Variants in SEMA4B observed in about 807,000 individuals in gnomAD.
SEMA4B encodes the protein semaphorin 4B, also known as semaphorin-4B.
Under a neutral mutation model 88.1 loss-of-function variants are expected in SEMA4B, and 55 were observed. The ratio of observed to expected loss-of-function variants is 0.62; its 90% CI spans 0.50 to 0.78. The LOEUF is 0.78. Ranked by LOEUF, SEMA4B falls within the 30% of genes least tolerant of loss-of-function variation. SEMA4B has a pLI of 0.00. For synonymous variants in SEMA4B, 525 were observed against 473.6 expected (o/e 1.11, Z -1.41); for missense variants, 1,062 against 1,111.9 (o/e 0.96, Z 0.64).
chr15:90,215,307 A>C (rs1356883702), intron 1 of SEMA4B, among the ~76,000 whole-genome samples: 1 of 152,088 alleles, frequency 6.6e-6, no homozygotes, highest in Non-Finnish European at 1.5e-5. Context: ...AACAAGTAAA[A>C]AAGAAAAGAA....
At chr15:90,209,744 G>A (rs762439879) in intron 1 of SEMA4B, among the ~76,000 whole-genome samples, 6 of 152,206 alleles carry the variant, frequency 3.9e-5, no homozygotes, top group Non-Finnish European at 5.9e-5. Context: ...TGGAGGAGGT[G>A]GAACTGAGCC....
intron 1 of SEMA4B, among the ~76,000 whole-genome samples, chr15:90,188,606 C>T (rs1293396378): frequency 1.3e-5 from 2 of 151,880 alleles, no homozygotes; most frequent in Non-Finnish European, 1.5e-5. Context: ...CCAGCCTGGA[C>T]GACAGAACAA....
intron 1 of SEMA4B, 48 bp downstream of exon 1, chr15:90,201,783 CG>C: frequency 7.3e-7 from 1 of 1,372,628 alleles, no homozygotes; most frequent in South Asian, 1.6e-5. Context: ...GGAAGGCTGC[CG>C]GGGACGTGCC....
At chr15:90,185,549 T>A (rs1596109740) in intron 1 of SEMA4B, among the ~76,000 whole-genome samples, 1 of 152,300 alleles carries the variant, frequency 6.6e-6, no homozygotes, top group African/African-American at 2.4e-5. Context: ...GGCATGAAGC[T>A]GCAGTTGCGG....
At position 90,217,590 on chromosome 15, in the gene SEMA4B, G is replaced by C; in HGVS notation, c.309G>C (p.Gly103=). 6.2e-7 allele frequency: 1 copy of C among 1,613,748 alleles called. No homozygotes were observed. Residue 103 remains glycine, a synonymous_variant, in exon 2 of 14, where the codon GGG becomes GGC. Coordinates refer to ENST00000411539, the MANE Select transcript of SEMA4B (RefSeq NM_198925.4). ...LSSNLSFLPG[G]EYQELLWGAD... The stretch of plus-strand genomic sequence containing the variant: ...GCAACCTCAGCTTCCTGCCAGGCGG[G>C]GAGTACCAGGAGGTGAGAGATGTTG...
chr15:90,223,762 G>A, intron 8 of SEMA4B, 22 bp downstream of exon 8: 2 of 1,603,438 alleles, frequency 1.2e-6, no homozygotes, highest in Non-Finnish European at 8.5e-7. Flanking sequence ...AGACCTCGCT[G>A]GAGATGGAAG....
In SEMA4B at chr15:90,212,381, G is replaced by A. The variant is rs966575898; in HGVS notation, c.158-5058G>A. Among the ~76,000 whole-genome samples the A allele has an allele frequency of 1.3e-5, 2 of 152,104 alleles. No individual in the cohort carries two copies. Among genetic ancestry groups the A allele is most frequent in the East Asian group, 1.9e-4 (1 of 5,180 alleles). ...AGGGTTCACCCTGAATGGGAAAACCGGCCGCAGCCTCGGCGTGCCCTGCTT... is the reference window on the plus strand; with the variant it reads ...AGGGTTCACCCTGAATGGGAAAACCAGCCGCAGCCTCGGCGTGCCCTGCTT... On this transcript the variant is annotated intron_variant, in intron 1 of 13. Transcript: ENST00000411539. The surrounding 1 kb of genome is among the most constrained non-coding windows in gnomAD (Gnocchi z 4.0).
In SEMA4B at chr15:90,228,428, C is replaced by G; in HGVS notation, c.2299C>G (p.Pro767Ala). 1 of 1,608,032 alleles carries G rather than the reference C, an allele frequency of 6.2e-7. No homozygotes were observed. Among genetic ancestry groups the G allele is most frequent in the Non-Finnish European group, 8.5e-7 (1 of 1,177,076 alleles). The change falls in exon 14 of 14, where the codon CCT becomes GCT. Residue 767 changes from proline to alanine, a missense_variant. Transcript: ENST00000411539. ...HPKTCPVVLP[P>A]ETRPLNGLGP... Reference sequence around the variant, plus strand: ...CAAGACCTGCCCTGTGGTGCTGCCCCCTGAGACCCGCCCACTCAACGGCCT... The same window carrying G: ...CAAGACCTGCCCTGTGGTGCTGCCCGCTGAGACCCGCCCACTCAACGGCCT...
At chr15:90,186,992 A>G (rs1175401531) in intron 1 of SEMA4B, among the ~76,000 whole-genome samples, 1 of 152,240 alleles carries the variant, frequency 6.6e-6, no homozygotes, top group Non-Finnish European at 1.5e-5. Context: ...GATTGGGGAC[A>G]TTGGCAACAG....
intron 1 of SEMA4B, among the ~76,000 whole-genome samples, chr15:90,205,729 CA>C (rs1960955794): frequency 6.6e-6 from 1 of 152,214 alleles, no homozygotes; most frequent in African/African-American, 2.4e-5. Flanking sequence ...CATTTTTGTG[CA>C]CACTGGTGGT....
rs1392350418 is a variant in SEMA4B at position 90,225,166 on chromosome 15, T to C, written c.1393T>C (p.Phe465Leu). ...CCTGCACCACACCTACGATGTCCTC[T>C]TCCTGGGCACTGGTAAGTGTCTGCA... is the stretch of plus-strand genomic sequence containing the variant. ...PGLHHTYDVL[F>L]LGTGDGRLHK... The change falls in exon 10 of 14, where the codon TTC (phenylalanine) becomes CTC (leucine). Residue 465 changes from phenylalanine to leucine, a missense_variant. By Grantham distance (22) the Phe-to-Leu change is conservative (BLOSUM62 0). Transcript: ENST00000411539. The C allele has an allele frequency of 2.5e-6, 4 of 1,603,670 alleles. No homozygotes were observed. Among genetic ancestry groups the C allele is most frequent in the Non-Finnish European group, 3.4e-6 (4 of 1,175,062 alleles).
At chr15:90,225,619 G>A in intron 11 of SEMA4B, 42 bp from the exon 12 acceptor site, 1 of 1,544,070 alleles carries the variant, frequency 6.5e-7, no homozygotes. Flanking sequence ...GATGGCCCTG[G>A]CTGCCCATGC....
At chr15:90,220,039 G>T (rs1185308808) in intron 4 of SEMA4B, 148 bp downstream of exon 4, 2 of 598,180 alleles carry the variant, frequency 3.3e-6, no homozygotes, top group Non-Finnish European at 5.8e-6. Flanking sequence ...GAGCCCTGAG[G>T]TCCCACACCC....
At chr15:90,192,150 C>G (rs762420545) in intron 1 of SEMA4B, 2 of 152,380 alleles carry the variant, frequency 1.3e-5, no homozygotes, top group Non-Finnish European at 2.9e-5. Flanking sequence ...AGTCAGCACC[C>G]GAGAATGGGG....
intron 9 of SEMA4B, among the ~76,000 whole-genome samples, chr15:90,224,439 A>G (rs1962035691): frequency 6.6e-6 from 1 of 152,252 alleles, no homozygotes; most frequent in Non-Finnish European, 1.5e-5. Flanking sequence ...GCCAGGAAGC[A>G]GCATGAAGGA....
chr15:90,195,215 T>C (rs1035697913), intron 1 of SEMA4B, among the ~76,000 whole-genome samples: 6 of 152,114 alleles, frequency 3.9e-5, no homozygotes, highest in Non-Finnish European at 1.5e-5. Flanking sequence ...CACCTCAGCC[T>C]TTCAAGTAGC....
At chr15:90,202,326 C>A (rs1244425152) in intron 1 of SEMA4B, among the ~76,000 whole-genome samples, 1 of 152,154 alleles carries the variant, frequency 6.6e-6, no homozygotes, top group East Asian at 1.9e-4. Flanking sequence ...ATTCCCAAGT[C>A]CTGGGAGCGA....
In SEMA4B at chr15:90,227,637, C is replaced by G; in HGVS notation, c.1769C>G (p.Pro590Arg). Residue 590 changes from proline to arginine, a missense_variant, in exon 13 of 14, where the codon CCA (proline) becomes CGA (arginine). Pro to Arg is a moderately radical substitution (Grantham distance 103, BLOSUM62 -2). Transcript: ENST00000411539. Reference sequence around the variant, plus strand: ...TCGGTTGTGTCCCCGTCTTTTGTACCAACAGGTGAGGTGCCCCCTCAAAAG... The same window carrying G: ...TCGGTTGTGTCCCCGTCTTTTGTACGAACAGGTGAGGTGCCCCCTCAAAAG... ...ASSVVSPSFV[P>R]TGEKPCEQVQ... is the part of the protein sequence containing the mutation. 1.2e-6 allele frequency: 2 copies of G among 1,613,936 alleles called. No homozygotes were observed. Among genetic ancestry groups the G allele is most frequent in the Admixed American group, 3.3e-5 (2 of 60,012 alleles).
In SEMA4B at chr15:90,228,052, G is replaced by A; in HGVS notation, c.1923G>A (p.Gly641=). The A allele has an allele frequency of 6.2e-7, 1 of 1,613,806 alleles. No individual in the cohort carries two copies. Among genetic ancestry groups the A allele is most frequent in the Non-Finnish European group, 8.5e-7 (1 of 1,179,810 alleles). ...CCTCCTGCCACGTGCTACCCACTGG[G>A]GACCTGCTGCTGGTGGGCACCCAAC... ...ASASCHVLPT[G]DLLLVGTQQL... The change falls in exon 14 of 14, where the codon GGG becomes GGA. Residue 641 remains glycine, a synonymous_variant. Transcript: ENST00000411539.
Sources: allele counts gnomAD v4.1 joint callset (sites outside exome capture counted in the v4.1 genomes callset), GRCh38; gene constraint gnomAD v4.1.1; non-coding constraint Gnocchi (gnomAD v3.1); transcripts MANE v1.5; gene names NCBI Gene and HGNC (gene_info 2026-07-23, HGNC 2026-07-21).